Variants in SLC26A8 observed in about 807,000 individuals in gnomAD.
SLC26A8 encodes the protein testis anion transporter 1.
SLC26A8 carries 70 observed loss-of-function variants against 105.0 expected under a neutral mutation model. The ratio of observed to expected loss-of-function variants is 0.67; its 90% CI spans 0.55 to 0.81. The LOEUF (loss-of-function observed/expected upper bound fraction) is 0.81, where lower values mean the gene tolerates loss of function less well. Among genes scored for constraint, SLC26A8 ranks in the 40% least tolerant of loss-of-function variants. The pLI, the probability that SLC26A8 is intolerant of heterozygous loss-of-function variation, is 0.00. For synonymous variants in SLC26A8, 415 were observed against 438.3 expected (o/e 0.95, Z 0.66); for missense variants, 998 against 1,181.8 (o/e 0.84, Z 2.28).
At chr6:36,012,138 T>G (rs1048316735) in intron 3 of SLC26A8, 95 bp downstream of exon 3, 125 of 1,471,708 alleles carry the variant, frequency 8.5e-5, no homozygotes, top group Non-Finnish European at 1.1e-4. Context: ...AATATTTTTT[T>G]TCTATTCATG....
chr6:36,001,040 C>A (rs149863252), intron 3 of SLC26A8, among the ~76,000 whole-genome samples: 438 of 152,294 alleles, frequency 2.9e-3, no homozygotes, highest in Non-Finnish European at 5.4e-3. Context: ...TCATCATTAT[C>A]CACTCAGTGT....
At chr6:35,986,171 A>AT (rs1412425770) in intron 7 of SLC26A8, among the ~76,000 whole-genome samples, 4 of 151,280 alleles carry the variant, frequency 2.6e-5, no homozygotes, top group African/African-American at 9.7e-5. Flanking sequence ...TGTAGCTGGG[A>AT]TTACAGGCAT....
chr6:35,978,157 A>AAT lies in SLC26A8; in HGVS notation c.1026-807_1026-806insAT, dbSNP rs1378999218. Among the ~76,000 whole-genome samples the AAT allele has an allele frequency of 1.8e-3, 274 of 151,838 alleles. 1 individual carries two copies. The highest frequency in any genetic ancestry group is 6.8e-3 in the Middle Eastern group (2 of 294). ...AGACAGCACAAGAAGAAAAAAAAAA[A>AAT]AAAAAAGACACTCAGACCAACATCC... On this transcript the variant is annotated intron_variant, in intron 8 of 19. Coordinates refer to ENST00000490799, the MANE Select transcript of SLC26A8 (RefSeq NM_052961.4).
At chr6:36,010,363 T>C (rs1269964766) in intron 3 of SLC26A8, among the ~76,000 whole-genome samples, 1 of 152,128 alleles carries the variant, frequency 6.6e-6, no homozygotes, top group Non-Finnish European at 1.5e-5. Flanking sequence ...ATTCCATTTA[T>C]ATGATGTGCT....
At chr6:36,024,344 C>T in intron 1 of SLC26A8, 160 bp downstream of exon 1, 1 of 422,624 alleles carries the variant, frequency 2.4e-6, no homozygotes, top group Non-Finnish European at 4.7e-6. Context: ...GAGATAAGCT[C>T]CCAGGGACGA....
chr6:35,991,767 G>A lies in SLC26A8; in HGVS notation c.834C>T (p.Ser278=). 4.4e-6 allele frequency: 7 copies of A among 1,604,476 alleles called. No individual in the cohort carries two copies. Among genetic ancestry groups the A allele is most frequent in the East Asian group, 2.3e-5 (1 of 44,350 alleles). Residue 278 remains serine (S), a synonymous_variant, in exon 7 of 20, where the codon TCC becomes TCT. Transcript: ENST00000490799. ...CAGTTAGAAATACTAGAATGCTGGT[G>A]GAATTCGCTTTTGGGAGAGCTACAC... is the stretch of plus-strand genomic sequence containing the variant. ...NYCVALPKAN[S]TSILVFLTVV... is the part of the protein sequence containing the mutation.
In SLC26A8 at chr6:36,012,274, A is replaced by C; in HGVS notation, c.287T>G (p.Leu96Ter). The change falls in exon 3 of 20, where the codon TTA (leucine) becomes TGA (stop). Residue 96 changes from leucine to a stop codon, truncating the protein, a stop_gained. Transcript: ENST00000490799. LOFTEE classifies it high-confidence loss of function. ...YRLKDWLLGD[L>*]LAGISVGLVQ... is the part of the protein sequence containing the mutation. ...AAGGCCAACACTTATACCAGCAAGT[A>C]AGTCTCCCAGAAGCCAATCCTTTAA... The C allele has an allele frequency of 1.2e-6, 2 of 1,612,228 alleles. No individual in the cohort carries two copies. The highest frequency in any genetic ancestry group is 1.7e-6 in the Non-Finnish European group (2 of 1,179,458).
chr6:35,988,473 AAAAATAT>A (rs1037746180), intron 7 of SLC26A8, among the ~76,000 whole-genome samples: 33 of 152,096 alleles, frequency 2.2e-4, no homozygotes, highest in African/African-American at 7.7e-4. Flanking sequence ...CATCTCTACT[AAAAATAT>A]AAAAATCAGC....
intron 19 of SLC26A8, among the ~76,000 whole-genome samples, chr6:35,947,725 G>A (rs942354129): frequency 2.0e-5 from 3 of 152,122 alleles, no homozygotes; most frequent in Non-Finnish European, 4.4e-5. Flanking sequence ...GAGCCCAGGA[G>A]TTTAAGACTA....
chr6:35,992,404 G>T, intron 6 of SLC26A8, 106 bp downstream of exon 6: 1 of 1,186,634 alleles, frequency 8.4e-7, no homozygotes, highest in Non-Finnish European at 1.2e-6. Flanking sequence ...CCTATAGGCT[G>T]TGTCTCCTTT....
At chr6:36,009,322 G>A (rs987814619) in intron 3 of SLC26A8, among the ~76,000 whole-genome samples, 1 of 151,890 alleles carries the variant, frequency 6.6e-6, no homozygotes, top group Non-Finnish European at 1.5e-5. Flanking sequence ...CTGTACTCCA[G>A]CCTGGGTGAC....
intron 3 of SLC26A8, among the ~76,000 whole-genome samples, chr6:36,001,363 C>T (rs2097480): frequency 0.12 from 18,273 of 152,126 alleles, 1,114 homozygotes; most frequent in Middle Eastern, 0.15. Context: ...CTCCTGACCT[C>T]GTGATCCACC....
chr6:35,997,645 T>C, intron 5 of SLC26A8, 93 bp downstream of exon 5: 16 of 1,244,476 alleles, frequency 1.3e-5, no homozygotes, highest in Non-Finnish European at 1.8e-5. Flanking sequence ...TCCAGGTATA[T>C]CACAGTGGAT....
At chr6:35,954,806 G>A (rs779005556) in intron 17 of SLC26A8, 48 of 258,880 alleles carry the variant, frequency 1.9e-4, no homozygotes, top group African/African-American at 5.8e-4. Context: ...TTAGCAGGGC[G>A]TAGTGACACA....
At chr6:35,985,539 A>C (rs1040939707) in intron 7 of SLC26A8, among the ~76,000 whole-genome samples, 202 of 151,844 alleles carry the variant, frequency 1.3e-3, no homozygotes, top group Admixed American at 2.3e-3. Context: ...CTAAAAATAA[A>C]AAAATTAGCC....
chr6:35,997,466 AC>A (rs1222986165), intron 5 of SLC26A8, among the ~76,000 whole-genome samples: 2 of 152,162 alleles, frequency 1.3e-5, no homozygotes, highest in Non-Finnish European at 2.9e-5. Context: ...ACTGCTCTGG[AC>A]CATCATCCCT....
chr6:35,960,964 T>C (rs1772284359), intron 13 of SLC26A8, 29 bp downstream of exon 13: 1 of 1,613,810 alleles, frequency 6.2e-7, no homozygotes, highest in South Asian at 1.1e-5. Context: ...CCTTGCCTTG[T>C]TAACCTCCTA....
At chr6:35,950,751 T>C (rs745927228) in intron 19 of SLC26A8, among the ~76,000 whole-genome samples, 6 of 152,200 alleles carry the variant, frequency 3.9e-5, no homozygotes, top group Non-Finnish European at 5.9e-5. Flanking sequence ...AGTATTATTA[T>C]TCATCCCAAG....
rs878880305 is a variant in SLC26A8, at chr6:35,955,069, A to T, written c.2232+83T>A. On this transcript the variant is annotated intron_variant, in intron 17 of 19. Transcript: ENST00000490799. ...GTCTCATAGCAGCTGATCAGTGACTAACAGAATTCAATCAGGATCAGGGTG... is the reference window on the plus strand; with the variant it reads ...GTCTCATAGCAGCTGATCAGTGACTTACAGAATTCAATCAGGATCAGGGTG... 1.9e-6 allele frequency: 3 copies of T among 1,554,516 alleles called. No homozygotes were observed. In the South Asian group the frequency reaches 3.5e-5, roughly 18 times the overall value.
Sources: gnomAD v4.1 joint callset for allele counts (sites outside exome capture counted in the v4.1 genomes callset) on GRCh38, gnomAD v4.1.1 for gene constraint, MANE v1.5 for transcripts, NCBI Gene and HGNC (gene_info 2026-07-23, HGNC 2026-07-21) for gene names.